DAB2: variants seen among roughly 807,000 people sequenced by gnomAD.
DAB2 encodes DAB adaptor protein 2, also known as disabled homolog 2.
DAB2 carries 28 observed loss-of-function variants against 71.6 expected under a neutral mutation model. The ratio of observed to expected loss-of-function variants is 0.39; its 90% confidence interval spans 0.29 to 0.54. The LOEUF is 0.54. Ranked by LOEUF, DAB2 falls within the 20% of genes least tolerant of loss-of-function variation. The probability of loss-of-function intolerance (pLI) is 0.68; values close to 1 mark genes in which losing one functional copy is unlikely to be tolerated. For missense variants in DAB2, 867 were observed against 928.8 expected, an observed-to-expected ratio of 0.93 and a Z score of 0.86; for synonymous variants, 345 against 339.7, an observed-to-expected ratio of 1.02 and a Z score of -0.17.
chr5:39,377,887 T>C (rs972939536), intron 11 of DAB2, among the ~76,000 whole-genome samples: 4 of 152,320 alleles, frequency 2.6e-5, no homozygotes, highest in Admixed American at 6.5e-5. Context: ...CCAAGACTGA[T>C]ACAGCTATAT....
chr5:39,390,310 A>G, intron 5 of DAB2, 134 bp downstream of exon 5: 1 of 1,163,250 alleles, frequency 8.6e-7, no homozygotes, highest in Non-Finnish European at 1.2e-6. Context: ...GGCCAATAAA[A>G]ATAGTCATTC....
intron 1 of DAB2, among the ~76,000 whole-genome samples, chr5:39,402,217 T>C (rs1454483277): frequency 6.6e-6 from 1 of 152,142 alleles, no homozygotes; most frequent in Non-Finnish European, 1.5e-5. Context: ...CAGTTCAAGA[T>C]AAGATTTGGG....
rs1426840233 is a variant in DAB2, at chr5:39,382,762, C to T, written c.1197G>A (p.Val399=). The T allele has an allele frequency of 6.2e-7, 1 of 1,614,138 alleles. No homozygotes were observed. Among genetic ancestry groups the T allele is most frequent in the East Asian group, 2.2e-5 (1 of 44,870 alleles). The change falls in exon 10 of 15, where the codon GTG becomes GTA. Residue 399 remains valine, a synonymous_variant. Coordinates refer to ENST00000320816, the MANE Select transcript of DAB2 (RefSeq NM_001343.4). ...TGGACAGTCCTTTGGGAGGGCTTCCCACAAAAGGGTTCGGGGAGGATTTGA... is the reference window on the plus strand; with the variant it reads ...TGGACAGTCCTTTGGGAGGGCTTCCTACAAAAGGGTTCGGGGAGGATTTGA... ...FSVKSSPNPF[V]GSPPKGLSIQ...
chr5:39,420,301 T>G (rs1755950096), intron 1 of DAB2, among the ~76,000 whole-genome samples: 1 of 152,238 alleles, frequency 6.6e-6, no homozygotes, highest in Non-Finnish European at 1.5e-5. Context: ...TGCATCATAT[T>G]GCTAGGTAGC....
chr5:39,399,725 A>T (rs764863198), intron 1 of DAB2, among the ~76,000 whole-genome samples: 4 of 152,236 alleles, frequency 2.6e-5, no homozygotes, highest in Admixed American at 6.5e-5. Context: ...TGCATGAGTC[A>T]TCTTAGAATG....
At chr5:39,386,475 T>C (rs865808197) in intron 9 of DAB2, among the ~76,000 whole-genome samples, 26 of 152,176 alleles carry the variant, frequency 1.7e-4, no homozygotes, top group African/African-American at 6.3e-4. Context: ...GATAAGAACA[T>C]GTCAAAGCCT....
At chr5:39,417,924 C>T (rs1423196143) in intron 1 of DAB2, 3 of 152,178 alleles carry the variant, frequency 2.0e-5, no homozygotes, top group Admixed American at 6.5e-5. Flanking sequence ...TATAGTTGAA[C>T]CTTAGCCCAG....
chr5:39,389,943 G>T lies in DAB2; in HGVS notation c.463-11C>A. The T allele has an allele frequency of 6.5e-7, 1 of 1,528,710 alleles. No homozygotes were observed. 94.7% of individuals were successfully genotyped at this position (1,528,710 alleles called of 1,614,324 possible). A position where few individuals can be genotyped will look rare whatever the true frequency, so the allele number is the denominator to read the frequency against. ...AACTAATGGTTCAGCCTGCAGTAAG[G>T]GAAAGCACTGTTATCCGTATTTTAA... is the stretch of plus-strand genomic sequence containing the variant. On this transcript the variant is annotated splice_polypyrimidine_tract_variant and intron_variant, in intron 5 of 14. Transcript: ENST00000320816.
chr5:39,405,611 G>A (rs996153153), intron 1 of DAB2, among the ~76,000 whole-genome samples: 2 of 152,230 alleles, frequency 1.3e-5, no homozygotes, highest in African/African-American at 4.8e-5. Context: ...ACAAGGAAAA[G>A]ACAATGGGGA....
chr5:39,395,864 G>A (rs747994442), intron 1 of DAB2, among the ~76,000 whole-genome samples: 94 of 146,750 alleles, frequency 6.4e-4, no homozygotes, highest in Non-Finnish European at 7.0e-4. Flanking sequence ...AACTTTAAAA[G>A]ATTCATAGTA....
At chr5:39,405,584 G>T (rs1162320538) in intron 1 of DAB2, among the ~76,000 whole-genome samples, 1 of 152,238 alleles carries the variant, frequency 6.6e-6, no homozygotes, top group African/African-American at 2.4e-5. Flanking sequence ...GTAGGACAAT[G>T]TTGTGGGCAC....
In DAB2 at chr5:39,379,728, C is replaced by A. The variant is rs114816364; in HGVS notation, c.1504+1726G>T. On this transcript the variant is annotated intron_variant, in intron 11 of 14. Transcript: ENST00000320816. ...TTCTACAATACCCTCTCCCCACCCC[C>A]CCAGTTCTCCAGGGGAGACAGTCCC... Among the ~76,000 whole-genome samples, 619 of 152,104 alleles carry A rather than the reference C, an allele frequency of 4.1e-3. 4 individuals are homozygous for A. Among genetic ancestry groups the A allele is most frequent in the Non-Finnish European group, 6.0e-3 (405 of 67,986 alleles).
At chr5:39,391,307 GTGTCTTGGCTTTT>G (rs982816624) in intron 4 of DAB2, among the ~76,000 whole-genome samples, 44 of 152,236 alleles carry the variant, frequency 2.9e-4, no homozygotes, top group African/African-American at 9.9e-4. Context: ...GTGGCAGAGT[GTGTCTTGGCTTTT>G]TGTCCTGAAT....
In DAB2 at chr5:39,383,150, G is replaced by A. The variant is rs779566127; in HGVS notation, c.809C>T (p.Pro270Leu). Residue 270 changes from proline to leucine, a missense_variant, in exon 10 of 15, where the codon CCT becomes CTT. Pro to Leu is a moderately conservative substitution (Grantham distance 98). Transcript: ENST00000320816. ...ATTTTCAGGCAAGAAGGATGCCTGA[G>A]GCGTTGGTCGAGGAAGAGAACAGGA... ...ITSCSLPRPTPQASFLPENAF... is the reference protein window; with the variant it reads ...ITSCSLPRPTLQASFLPENAF... The A allele has an allele frequency of 2.5e-6, 4 of 1,614,118 alleles. No individual in the cohort carries two copies. Among genetic ancestry groups the A allele is most frequent in the African/African-American group, 2.7e-5 (2 of 75,032 alleles).
intron 12 of DAB2, 86 bp from the exon 13 acceptor site, chr5:39,376,192 A>T (rs1001141208): frequency 9.7e-7 from 1 of 1,034,274 alleles, no homozygotes; most frequent in African/African-American, 1.6e-5. Flanking sequence ...TTTGAAGTTT[A>T]GTTCTATACT....
At chr5:39,394,962 A>C (rs1579913051) in intron 1 of DAB2, among the ~76,000 whole-genome samples, 1 of 152,224 alleles carries the variant, frequency 6.6e-6, no homozygotes, top group African/African-American at 2.4e-5. Flanking sequence ...TTATCCAAGC[A>C]CTATAAAACA....
At position 39,382,929 on chromosome 5, in the gene DAB2, C is replaced by A. The variant is rs751551355; in HGVS notation, c.1030G>T (p.Gly344Cys). Reference protein sequence around the residue: ...GPLNGDVDYFGQQFDQISNRT... With the variant: ...GPLNGDVDYFCQQFDQISNRT... Reference sequence around the variant, plus strand: ...TTAGAGATCTGGTCAAATTGCTGACCAAAGTAGTCAACATCACCATTCAGG... The same window carrying A: ...TTAGAGATCTGGTCAAATTGCTGACAAAAGTAGTCAACATCACCATTCAGG... The change falls in exon 10 of 15, where the codon GGT becomes TGT. Residue 344 changes from glycine (G) to cysteine (C), a missense_variant. Physicochemically the swap from Gly to Cys is radical, Grantham distance 159. Transcript: ENST00000320816. 6.2e-7 allele frequency: 1 copy of A among 1,614,102 alleles called. No individual in the cohort carries two copies. The highest frequency in any genetic ancestry group is 2.2e-5 in the East Asian group (1 of 44,864).
intron 1 of DAB2, among the ~76,000 whole-genome samples, chr5:39,402,302 T>C (rs780032496): frequency 1.3e-5 from 2 of 152,074 alleles, no homozygotes; most frequent in Non-Finnish European, 2.9e-5. Flanking sequence ...TGTTGTGTAG[T>C]CTTGTGCTCT....
intron 1 of DAB2, among the ~76,000 whole-genome samples, chr5:39,418,997 G>C (rs71623810): frequency 5.3e-5 from 8 of 152,292 alleles, no homozygotes; most frequent in African/African-American, 1.9e-4. Flanking sequence ...TTGCAGCTTA[G>C]AACCCAAGCT....
Sources: allele counts gnomAD v4.1 joint callset (sites outside exome capture counted in the v4.1 genomes callset), GRCh38; gene constraint gnomAD v4.1.1; transcripts MANE v1.5; gene names NCBI Gene and HGNC (gene_info 2026-07-23, HGNC 2026-07-21).